KDM2B: variants seen among roughly 807,000 people sequenced by gnomAD.
KDM2B encodes the protein lysine-specific demethylase 2B.
A neutral mutation model predicts 150.0 loss-of-function variants in KDM2B; 26 were observed. That is an observed-to-expected ratio of 0.17 (90% CI 0.13 to 0.24). The LOEUF (loss-of-function observed/expected upper bound fraction) is 0.24. KDM2B is among the 10% of genes least tolerant of loss of function. The probability of loss-of-function intolerance (pLI) is 1.00; values close to 1 mark genes in which losing one functional copy is unlikely to be tolerated. For missense variants in KDM2B, 1,265 were observed against 1,816.9 expected, an observed-to-expected ratio of 0.70 and a Z score of 5.52; for synonymous variants, 734 against 729.5, an observed-to-expected ratio of 1.01 and a Z score of -0.10.
chr12:121,511,017 C>CT (rs1267556991), intron 10 of KDM2B, among the ~76,000 whole-genome samples: 8,404 of 143,954 alleles, frequency 0.058, 718 homozygotes, highest in African/African-American at 0.19. Context: ...TGTCTTTTCT[C>CT]TTTTTTTTTT....
intron 16 of KDM2B, 35 bp from the exon 17 acceptor site, chr12:121,443,828 G>T: frequency 7.0e-7 from 1 of 1,425,268 alleles, no homozygotes; most frequent in Non-Finnish European, 9.7e-7. Context: ...GGAGTGACTC[G>T]CTGGTTTTCC....
rs1387048400 is a variant in KDM2B at position 121,537,939 on chromosome 12, T to G, written c.684-3349A>C. Reference sequence around the variant, plus strand: ...TCGGCGGCGGCGGCGGCGGCTCCCGTGCGTCCCCTTCGGCTCCCGGGCGTC... The same window carrying G: ...TCGGCGGCGGCGGCGGCGGCTCCCGGGCGTCCCCTTCGGCTCCCGGGCGTC... On this transcript the variant is annotated intron_variant, in intron 6 of 22. Transcript: ENST00000377071. This position sits in a 1 kb window ranked among gnomAD's most constrained non-coding sequence, Gnocchi z 8.7. 3.2e-4 allele frequency among the ~76,000 whole-genome samples: 48 copies of G among 150,412 alleles called. No homozygotes were observed. The highest frequency in any genetic ancestry group is 1.1e-3 in the African/African-American group (46 of 41,180).
chr12:121,486,094 T>C (rs1463979164), intron 12 of KDM2B, among the ~76,000 whole-genome samples: 1 of 147,600 alleles, frequency 6.8e-6, no homozygotes, highest in Non-Finnish European at 1.5e-5. Context: ...GTAACTTTTA[T>C]GCAACATATA....
intron 13 of KDM2B, among the ~76,000 whole-genome samples, chr12:121,446,482 T>C (rs1315089008): frequency 1.3e-5 from 2 of 152,220 alleles, no homozygotes; most frequent in Non-Finnish European, 2.9e-5. Flanking sequence ...AGAGTACACA[T>C]CCTTTTCATG....
intron 4 of KDM2B, among the ~76,000 whole-genome samples, chr12:121,556,128 T>C (rs1216449128): frequency 6.6e-6 from 1 of 152,068 alleles, no homozygotes; most frequent in Non-Finnish European, 1.5e-5. Context: ...GGTTTCACCA[T>C]GTTGGCCAGG....
intron 12 of KDM2B, among the ~76,000 whole-genome samples, chr12:121,484,539 C>A (rs1375291156): frequency 1.3e-5 from 2 of 152,042 alleles, no homozygotes; most frequent in Non-Finnish European, 2.9e-5. Flanking sequence ...AGATGGAGGC[C>A]GGACATGGTG....
chr12:121,433,200 C>T (rs1873354341), intron 22 of KDM2B: 1 of 456,650 alleles, frequency 2.2e-6, no homozygotes, highest in African/African-American at 2.0e-5. Context: ...ACCCTTCCAA[C>T]AAAGAAGCTA....
chr12:121,504,090 A>AT (rs1884840526), intron 11 of KDM2B, among the ~76,000 whole-genome samples: 2 of 152,156 alleles, frequency 1.3e-5, no homozygotes, highest in Admixed American at 1.3e-4. Flanking sequence ...TTTATCATTT[A>AT]TGTTGAGACA....
In KDM2B at chr12:121,442,380, G is replaced by A. The variant is rs782249353; in HGVS notation, c.3061C>T (p.Arg1021Cys). Reference protein sequence around the residue: ...QLGPSLRSPPRVISRPPPSVS... With the variant: ...QLGPSLRSPPCVISRPPPSVS... ...GAGGGTGGGGGCCGGGAGATGACAC[G>A]GGGCGGGCTGCGCAGGCTGGGCCCC... Residue 1021 changes from arginine to cysteine, a missense_variant, in exon 19 of 23, where the codon CGT becomes TGT. Physicochemically the swap from Arg to Cys is radical, Grantham distance 180. Coordinates refer to ENST00000377071, the MANE Select transcript of KDM2B (RefSeq NM_032590.5). The surrounding 1 kb of genome is among the most constrained non-coding windows in gnomAD (Gnocchi z 7.7). 6 of 1,587,184 alleles carry A rather than the reference G, an allele frequency of 3.8e-6. No individual in the cohort carries two copies. The highest frequency in any genetic ancestry group is 1.7e-5 in the Admixed American group (1 of 58,178).
At chr12:121,463,290 T>C (rs1320101082) in intron 12 of KDM2B, among the ~76,000 whole-genome samples, 1 of 151,090 alleles carries the variant, frequency 6.6e-6, no homozygotes, top group African/African-American at 2.4e-5. Flanking sequence ...CACTCCAGCC[T>C]GGACAACAGA....
At chr12:121,494,790 AC>A in intron 11 of KDM2B, 125 bp from the exon 12 acceptor site, 1 of 620,218 alleles carries the variant, frequency 1.6e-6, no homozygotes, top group Non-Finnish European at 2.7e-6. Flanking sequence ...CATTGACTCC[AC>A]CACCACCCAC....
chr12:121,473,372 C>T (rs1555296193), intron 12 of KDM2B, among the ~76,000 whole-genome samples: 1 of 131,144 alleles, frequency 7.6e-6, no homozygotes, highest in Non-Finnish European at 1.6e-5. Context: ...GCCTGGGTGA[C>T]AATGAGACTC....
chr12:121,442,633 G>T lies in KDM2B; in HGVS notation c.2808C>A (p.Arg936=), dbSNP rs782320332. 3 of 1,604,070 alleles carry T rather than the reference G, an allele frequency of 1.9e-6. No homozygotes were observed. In the South Asian group the frequency reaches 3.3e-5, roughly 18 times the overall value. The stretch of plus-strand genomic sequence containing the variant: ...CCTTGTTGGGAAGCCGCCGCTTCCG[G>T]CGCATCTTCACCTTCTTCTTCTCCT... ...GPEEKKKVKM[R]RKRRLPNKEL... Residue 936 remains arginine (R), a synonymous_variant, in exon 19 of 23, where the codon CGC becomes CGA. Transcript: ENST00000377071. This position sits in a 1 kb window ranked among gnomAD's most constrained non-coding sequence, Gnocchi z 7.7.
intron 9 of KDM2B, chr12:121,516,250 C>T (rs1886181741): frequency 9.5e-6 from 3 of 315,554 alleles, no homozygotes; most frequent in South Asian, 5.2e-5. Context: ...GCTCGGACAC[C>T]ATGACCACCT....
intron 12 of KDM2B, among the ~76,000 whole-genome samples, chr12:121,455,447 C>G (rs1878067873): frequency 1.3e-5 from 2 of 152,206 alleles, no homozygotes; most frequent in South Asian, 4.1e-4. Flanking sequence ...AACGGTGGCT[C>G]ACGCCTATAA....
At chr12:121,529,430 G>A (rs1373346040) in intron 8 of KDM2B, among the ~76,000 whole-genome samples, 2 of 152,110 alleles carry the variant, frequency 1.3e-5, no homozygotes, top group Non-Finnish European at 2.9e-5. Flanking sequence ...GAAAACTCAG[G>A]TCAGAGGTGG....
At chr12:121,439,097 G>GT (rs1246664091) in intron 22 of KDM2B, among the ~76,000 whole-genome samples, 5 of 152,104 alleles carry the variant, frequency 3.3e-5, no homozygotes, top group African/African-American at 1.2e-4. Flanking sequence ...CTCACTGTGG[G>GT]TTTTTTTCTC....
intron 6 of KDM2B, among the ~76,000 whole-genome samples, chr12:121,541,628 TCC>T (rs112544210): frequency 0.037 from 5,561 of 151,766 alleles, 328 homozygotes; most frequent in African/African-American, 0.13. Context: ...AGGTTCTCAC[TCC>T]CCCAACAATT....
chr12:121,531,457 C>G (rs914223854), intron 8 of KDM2B, among the ~76,000 whole-genome samples: 10 of 152,156 alleles, frequency 6.6e-5, no homozygotes, highest in Non-Finnish European at 1.3e-4. Flanking sequence ...ATCTTGGTGG[C>G]CTCAAAGGAT....
Sources: gnomAD v4.1 joint callset for allele counts (sites outside exome capture counted in the v4.1 genomes callset) on GRCh38, gnomAD v4.1.1 for gene constraint, Gnocchi (gnomAD v3.1) non-coding constraint, MANE v1.5 for transcripts, NCBI Gene and HGNC (gene_info 2026-07-23, HGNC 2026-07-21) for gene names.